The following ACTR3B variants were observed in gnomAD, a reference collection of about 807,000 sequenced individuals.
ACTR3B encodes the protein actin-related protein 3B.
Under a neutral mutation model 59.0 loss-of-function variants are expected in ACTR3B, and 8 were observed. The ratio of observed to expected loss-of-function variants is 0.14; its 90% CI spans 0.08 to 0.24. ACTR3B has a LOEUF of 0.24. ACTR3B is among the 10% of genes least tolerant of loss of function. ACTR3B has a pLI of 1.00. For missense variants in ACTR3B, 245 were observed against 552.3 expected (o/e 0.44, Z 5.58); for synonymous variants, 148 against 197.9 (o/e 0.75, Z 2.12).
intron 9 of ACTR3B, among the ~76,000 whole-genome samples, chr7:152,848,426 CTG>C (rs1798534205): frequency 6.6e-6 from 1 of 152,192 alleles, no homozygotes; most frequent in Non-Finnish European, 1.5e-5. Context: ...AAGGAGTTGT[CTG>C]TGGTGGGCTT....
In ACTR3B at chr7:152,796,879, T is replaced by G. The variant is rs1477348388; in HGVS notation, c.101-3652T>G. Reference sequence around the variant, plus strand: ...TTTTGTGTTTTTTTTTTTTTTTTTTTTTTTTTTTTTTTTTTTTTTGTAGAG... The same window carrying G: ...TTTTGTGTTTTTTTTTTTTTTTTTTGTTTTTTTTTTTTTTTTTTTGTAGAG... On this transcript the variant is annotated intron_variant, in intron 2 of 11. Transcript: ENST00000256001. Among the ~76,000 whole-genome samples, 973 of 117,642 alleles carry G rather than the reference T, an allele frequency of 8.3e-3. 35 individuals are homozygous for G. Among genetic ancestry groups the G allele is most frequent in the East Asian group, 0.014 (57 of 4,022 alleles). The allele number at this position is 117,642 out of a possible 152,430, so 77.2% of individuals were successfully genotyped here.
intron 2 of ACTR3B, among the ~76,000 whole-genome samples, chr7:152,783,815 C>G (rs1383824120): frequency 6.6e-6 from 1 of 151,668 alleles, no homozygotes; most frequent in Admixed American, 6.6e-5. Context: ...CTTGGCTGGG[C>G]GTGGTGGCTC....
intron 2 of ACTR3B, among the ~76,000 whole-genome samples, chr7:152,785,493 C>CAGAGAGAGAGACAG (rs1374325171): frequency 3.6e-4 from 21 of 58,646 alleles, no homozygotes; most frequent in Admixed American, 2.0e-3. Context: ...GAGAGAGAGA[C>CAGAGAGAGAGACAG]AGAGAGAGAG....
chr7:152,802,125 C>CTT (rs751565780), intron 4 of ACTR3B, among the ~76,000 whole-genome samples: 10 of 151,922 alleles, frequency 6.6e-5, no homozygotes, highest in Non-Finnish European at 1.3e-4. Context: ...TTTAGAGACC[C>CTT]TTTCCCAGAA....
intron 9 of ACTR3B, among the ~76,000 whole-genome samples, chr7:152,846,184 T>C (rs1378652743): frequency 4.7e-5 from 7 of 149,184 alleles, no homozygotes; most frequent in Admixed American, 4.7e-4. Context: ...GTGCCCGGGC[T>C]GTAGTCTGTA....
At chr7:152,821,494 C>G (rs1195962469) in intron 7 of ACTR3B, among the ~76,000 whole-genome samples, 1 of 152,062 alleles carries the variant, frequency 6.6e-6, no homozygotes, top group East Asian at 1.9e-4. Flanking sequence ...AAGAATTGAG[C>G]CTTTTGTTAT....
chr7:152,764,413 C>T (rs1307882615), intron 1 of ACTR3B, among the ~76,000 whole-genome samples: 1 of 152,056 alleles, frequency 6.6e-6, no homozygotes, highest in Non-Finnish European at 1.5e-5. Flanking sequence ...TGGATCACGA[C>T]CCGTGGTCAG....
At chr7:152,804,565 G>A (rs1401658601) in intron 4 of ACTR3B, among the ~76,000 whole-genome samples, 1 of 152,156 alleles carries the variant, frequency 6.6e-6, no homozygotes, top group Admixed American at 6.5e-5. Flanking sequence ...AGGTGCCTCC[G>A]AGGAGGGCGT....
At chr7:152,800,995 A>T (rs2098234084) in intron 3 of ACTR3B, among the ~76,000 whole-genome samples, 1 of 152,180 alleles carries the variant, frequency 6.6e-6, no homozygotes. Context: ...CACTAACGTT[A>T]TTTAAGCAGA....
intron 1 of ACTR3B, among the ~76,000 whole-genome samples, chr7:152,775,216 A>G (rs1416009994): frequency 1.4e-5 from 2 of 141,970 alleles, no homozygotes; most frequent in African/African-American, 5.4e-5. Context: ...AAAAAAAAAA[A>G]GATGTAAAAC....
At chr7:152,797,946 C>T (rs934032731) in intron 2 of ACTR3B, among the ~76,000 whole-genome samples, 12 of 152,042 alleles carry the variant, frequency 7.9e-5, no homozygotes, top group Non-Finnish European at 1.3e-4. Context: ...TTAATGGACA[C>T]GTAGGTTGAT....
At chr7:152,852,341 T>A (rs960236395) in intron 10 of ACTR3B, 90 bp downstream of exon 10, 1 of 1,461,276 alleles carries the variant, frequency 6.8e-7, no homozygotes, top group African/African-American at 1.4e-5. Flanking sequence ...GGAGCTTGTC[T>A]GGGCCGCGTA....
intron 10 of ACTR3B, among the ~76,000 whole-genome samples, chr7:152,852,949 G>A (rs1356920964): frequency 6.6e-6 from 1 of 152,150 alleles, no homozygotes; most frequent in African/African-American, 2.4e-5. Flanking sequence ...CCGCCACCAA[G>A]CCCGGCTAAT....
In ACTR3B at chr7:152,809,537, C is replaced by G. The variant is rs2098262874; in HGVS notation, c.337-5013C>G. Among the ~76,000 whole-genome samples, 5 of 148,228 alleles carry G rather than the reference C, an allele frequency of 3.4e-5. No individual in the cohort carries two copies. In the South Asian group the frequency reaches 1.1e-3, roughly 32 times the overall value. On this transcript the variant is annotated intron_variant, in intron 4 of 11. Coordinates refer to ENST00000256001, the MANE Select transcript of ACTR3B (RefSeq NM_020445.6). Reference sequence around the variant, plus strand: ...TAGCACACACTTGTTTTTGTTTTTTCTTTTTTTTTTTTGTTTTTTTTTGAG... The same window carrying G: ...TAGCACACACTTGTTTTTGTTTTTTGTTTTTTTTTTTTGTTTTTTTTTGAG...
chr7:152,846,239 G>A (rs1056244714), intron 9 of ACTR3B, among the ~76,000 whole-genome samples: 1 of 147,634 alleles, frequency 6.8e-6, no homozygotes, highest in Non-Finnish European at 1.5e-5. Context: ...GAGCTCTAGT[G>A]CCCGGGCTGT....
intron 9 of ACTR3B, among the ~76,000 whole-genome samples, chr7:152,827,030 G>A (rs1469409590): frequency 6.6e-6 from 1 of 150,886 alleles, no homozygotes; most frequent in Admixed American, 6.6e-5. Flanking sequence ...TGCCCGTGCT[G>A]GAGTGCAGTG....
At chr7:152,788,448 G>C (rs1460128602) in intron 2 of ACTR3B, among the ~76,000 whole-genome samples, 1 of 130,252 alleles carries the variant, frequency 7.7e-6, no homozygotes, top group Non-Finnish European at 1.6e-5. Context: ...GTCTTGCTCT[G>C]TTGCCCAGGC....
chr7:152,845,170 TTATATACAG>T (rs879674722), intron 9 of ACTR3B, among the ~76,000 whole-genome samples: 5 of 151,388 alleles, frequency 3.3e-5, no homozygotes, highest in Non-Finnish European at 7.4e-5. Context: ...TAATATACAT[TTATATACAG>T]TATATGCTGG....
At chr7:152,829,836 C>G (rs1422848593) in intron 9 of ACTR3B, among the ~76,000 whole-genome samples, 1 of 152,104 alleles carries the variant, frequency 6.6e-6, no homozygotes, top group Non-Finnish European at 1.5e-5. Context: ...GAGGGGGAAG[C>G]CAGTTTGAAT....
Sources: gnomAD v4.1 joint callset for allele counts (sites outside exome capture counted in the v4.1 genomes callset) on GRCh38, gnomAD v4.1.1 for gene constraint, MANE v1.5 for transcripts, NCBI Gene and HGNC (gene_info 2026-07-23, HGNC 2026-07-21) for gene names.